CNTNAP2: variants seen among roughly 807,000 people sequenced by gnomAD.
CNTNAP2 encodes contactin associated protein 2.
Under a neutral mutation model 155.2 loss-of-function variants are expected in CNTNAP2, and 98 were observed. The ratio of observed to expected loss-of-function variants is 0.63; its 90% CI spans 0.54 to 0.75. CNTNAP2 has a LOEUF of 0.75. CNTNAP2 is among the 30% of genes least tolerant of loss of function. The pLI, the probability that CNTNAP2 is intolerant of heterozygous loss-of-function variation, is 0.00. For synonymous variants in CNTNAP2, 651 were observed against 631.2 expected (o/e 1.03, Z -0.47); for missense variants, 1,727 against 1,688.1 (o/e 1.02, Z -0.40).
chr7:148,188,966 A>C (rs996413945), intron 18 of CNTNAP2, among the ~76,000 whole-genome samples: 2 of 152,202 alleles, frequency 1.3e-5, no homozygotes, highest in African/African-American at 4.8e-5. Context: ...TTTTATTGTA[A>C]ATAATACTGC....
chr7:147,278,654 T>G (rs2116720796), intron 8 of CNTNAP2, among the ~76,000 whole-genome samples: 1 of 151,804 alleles, frequency 6.6e-6, no homozygotes, highest in Admixed American at 6.6e-5. Context: ...TGAAGTTTTA[T>G]ACTGAATAAA....
intron 20 of CNTNAP2, among the ~76,000 whole-genome samples, chr7:148,246,670 A>T (rs902154945): frequency 6.6e-6 from 1 of 152,238 alleles, no homozygotes; most frequent in Admixed American, 6.5e-5. Flanking sequence ...GTCTGATTAG[A>T]CATACTGCAT....
chr7:146,574,643 G>T (rs1480828928), intron 1 of CNTNAP2, among the ~76,000 whole-genome samples: 1 of 152,160 alleles, frequency 6.6e-6, no homozygotes. Context: ...GGAGGTTGCT[G>T]TGAGCCAAGA....
At chr7:148,276,145 C>T (rs1452888989) in intron 21 of CNTNAP2, among the ~76,000 whole-genome samples, 3 of 152,196 alleles carry the variant, frequency 2.0e-5, no homozygotes, top group Non-Finnish European at 4.4e-5. Context: ...ACATTATTAG[C>T]AGTGCCCACT....
At chr7:147,685,580 G>A (rs1253889859) in intron 13 of CNTNAP2, among the ~76,000 whole-genome samples, 1 of 151,366 alleles carries the variant, frequency 6.6e-6, no homozygotes, top group Non-Finnish European at 1.5e-5. Flanking sequence ...GATATTCTTG[G>A]CACATCAGAT....
chr7:147,821,803 A>G (rs1353161367), intron 13 of CNTNAP2, among the ~76,000 whole-genome samples: 1 of 152,172 alleles, frequency 6.6e-6, no homozygotes, highest in Non-Finnish European at 1.5e-5. Flanking sequence ...GCTGAACTTT[A>G]GGGAAATGAT....
intron 14 of CNTNAP2, among the ~76,000 whole-genome samples, chr7:147,955,673 C>G (rs1368031243): frequency 6.6e-6 from 1 of 152,076 alleles, no homozygotes; most frequent in Non-Finnish European, 1.5e-5. Context: ...GCCTGCTCCC[C>G]ACCTCAGCTA....
chr7:146,756,441 G>A (rs1005578396), intron 1 of CNTNAP2, among the ~76,000 whole-genome samples: 8 of 152,018 alleles, frequency 5.3e-5, no homozygotes, highest in South Asian at 4.2e-4. Context: ...ACTTTCTTGC[G>A]GCATTGACAT....
chr7:146,755,086 G>T (rs1272641489), intron 1 of CNTNAP2, among the ~76,000 whole-genome samples: 2 of 151,836 alleles, frequency 1.3e-5, no homozygotes, highest in Non-Finnish European at 2.9e-5. Context: ...TCCTGCAATG[G>T]GATTGATTTT....
chr7:147,819,062 T>C (rs1798321363), intron 13 of CNTNAP2, among the ~76,000 whole-genome samples: 1 of 152,186 alleles, frequency 6.6e-6, no homozygotes, highest in Non-Finnish European at 1.5e-5. Context: ...TTACAGGTAA[T>C]TTAAGCTTGG....
Position 147,482,067 on chromosome 7 carries a change from T to G in CNTNAP2, c.1671-3868T>G, listed in dbSNP as rs146800708. On this transcript the variant is annotated intron_variant, in intron 10 of 23. Coordinates refer to ENST00000361727, the MANE Select transcript of CNTNAP2 (RefSeq NM_014141.6). ...TCCATTCTTTCAGTCAATGTGTCAA[T>G]AGGCAGTTACTGAGCATGCACCTAG... Among the ~76,000 whole-genome samples, 320 of 152,278 alleles carry G rather than the reference T, an allele frequency of 2.1e-3. 1 individual carries two copies. Among genetic ancestry groups the G allele is most frequent in the African/African-American group, 7.1e-3 (296 of 41,566 alleles).
chr7:148,211,453 G>C (rs1795547534), intron 18 of CNTNAP2, among the ~76,000 whole-genome samples: 1 of 152,246 alleles, frequency 6.6e-6, no homozygotes, highest in Non-Finnish European at 1.5e-5. Context: ...GGAGTGGATA[G>C]AGCACGTGCA....
At chr7:146,714,002 G>A (rs527440903) in intron 1 of CNTNAP2, among the ~76,000 whole-genome samples, 1 of 152,126 alleles carries the variant, frequency 6.6e-6, no homozygotes, top group South Asian at 2.1e-4. Flanking sequence ...TAAGTGAATG[G>A]CATAGAGCAA....
intron 13 of CNTNAP2, among the ~76,000 whole-genome samples, chr7:147,894,965 C>CTTTCT (rs1799754230): frequency 3.3e-4 from 12 of 36,184 alleles, no homozygotes; most frequent in East Asian, 3.0e-3. Flanking sequence ...TTCTTTCTTT[C>CTTTCT]TTTTTTTTTT....
chr7:148,266,578 C>T (rs533996998), intron 20 of CNTNAP2, among the ~76,000 whole-genome samples: 1 of 152,024 alleles, frequency 6.6e-6, no homozygotes, highest in Admixed American at 6.6e-5. Flanking sequence ...CAACTGTTTA[C>T]CCCACTTGAC....
At chr7:146,738,163 C>T (rs1241892023) in intron 1 of CNTNAP2, among the ~76,000 whole-genome samples, 1 of 152,022 alleles carries the variant, frequency 6.6e-6, no homozygotes, top group African/African-American at 2.4e-5. Flanking sequence ...TTCTCCACAT[C>T]CTCACCAATA....
intron 13 of CNTNAP2, among the ~76,000 whole-genome samples, chr7:147,752,351 G>A (rs1167225128): frequency 1.3e-5 from 2 of 151,786 alleles, no homozygotes; most frequent in African/African-American, 2.4e-5. Context: ...ACAGATTATA[G>A]AGGATCTGAA....
At chr7:146,921,713 A>C (rs1421055648) in intron 3 of CNTNAP2, among the ~76,000 whole-genome samples, 3 of 152,122 alleles carry the variant, frequency 2.0e-5, no homozygotes, top group Non-Finnish European at 2.9e-5. Flanking sequence ...TGTGGGGATT[A>C]TTGCAATTCA....
At chr7:146,451,203 C>T (rs1796476029) in intron 1 of CNTNAP2, among the ~76,000 whole-genome samples, 1 of 152,172 alleles carries the variant, frequency 6.6e-6, no homozygotes, top group Non-Finnish European at 1.5e-5. Flanking sequence ...ACCTTGGCCT[C>T]CCAAAGTGCT....
Sources: allele counts gnomAD v4.1 joint callset (sites outside exome capture counted in the v4.1 genomes callset), GRCh38; gene constraint gnomAD v4.1.1; transcripts MANE v1.5; gene names NCBI Gene and HGNC (gene_info 2026-07-23, HGNC 2026-07-21).